Variants in RND3 observed in about 807,000 individuals in gnomAD.
The protein encoded by RND3 is Rho family GTPase 3, also known as rho-related GTP-binding protein RhoE.
Under a neutral mutation model 26.5 loss-of-function variants are expected in RND3, and 8 were observed. The observed-to-expected ratio is 0.30, with a 90% CI of 0.18 to 0.54. The LOEUF (loss-of-function observed/expected upper bound fraction) is 0.54, where lower values mean the gene tolerates loss of function less well. Among genes scored for constraint, RND3 ranks in the 20% least tolerant of loss-of-function variants. The pLI, the probability that RND3 is intolerant of heterozygous loss-of-function variation, is 0.94. For missense variants in RND3, 207 were observed against 302.8 expected, an observed-to-expected ratio of 0.68 and a Z score of 2.35; for synonymous variants, 113 against 113.0, an observed-to-expected ratio of 1.00 and a Z score of 0.00.
At chr2:150,479,356 GC>G (rs749044672) in intron 3 of RND3, among the ~76,000 whole-genome samples, 62 of 152,124 alleles carry the variant, frequency 4.1e-4, no homozygotes, top group Admixed American at 6.5e-5. Flanking sequence ...GAAGATTCAT[GC>G]CCAAAAGGAA....
intron 3 of RND3, among the ~76,000 whole-genome samples, chr2:150,481,963 G>A (rs1349855656): frequency 6.6e-6 from 1 of 152,120 alleles, no homozygotes; most frequent in Non-Finnish European, 1.5e-5. Context: ...AGGCCATTAG[G>A]TAACTAAGAT....
chr2:150,480,212 T>C (rs1346655455), intron 3 of RND3, among the ~76,000 whole-genome samples: 1 of 152,180 alleles, frequency 6.6e-6, no homozygotes, highest in East Asian at 1.9e-4. Context: ...TCATATGATA[T>C]CTAAGAATCA....
intron 2 of RND3, 128 bp downstream of exon 2, chr2:150,487,140 C>A (rs1476510540): frequency 1.1e-5 from 9 of 807,724 alleles, no homozygotes; most frequent in African/African-American, 3.5e-5. Flanking sequence ...TAGTAAGGAC[C>A]GAGAAAGACT....
intron 3 of RND3, among the ~76,000 whole-genome samples, chr2:150,485,910 G>C (rs1225022993): frequency 1.3e-5 from 2 of 151,778 alleles, no homozygotes; most frequent in Admixed American, 6.6e-5. Context: ...AATAATTCAA[G>C]TAGACTGGAA....
chr2:150,487,055 C>T, intron 2 of RND3: 1 of 604,130 alleles, frequency 1.7e-6, no homozygotes, highest in Admixed American at 2.9e-5. Flanking sequence ...GCTAACCAGC[C>T]CATGTGCAGG....
Position 150,470,313 on chromosome 2 carries a change from C to G in RND3, c.484-75G>C. 8 of 1,457,698 alleles carry G rather than the reference C, an allele frequency of 5.5e-6. No individual in the cohort carries two copies. In the South Asian group the frequency reaches 8.7e-5, roughly 16 times the overall value. 90.3% of individuals were successfully genotyped at this position (1,457,698 alleles called of 1,614,324 possible). A position where few individuals can be genotyped will look rare whatever the true frequency, so the allele number is the denominator to read the frequency against. On this transcript the variant is annotated intron_variant, in intron 5 of 5. Transcript: ENST00000263895. ...AGTTAGCTAGCATCTTCTAATACCA[C>G]AAAATAATAACACATTGCAAAACGT... is the stretch of plus-strand genomic sequence containing the variant.
chr2:150,486,833 G>C lies in RND3; in HGVS notation c.151-52C>G. 6 of 1,294,158 alleles carry C rather than the reference G, an allele frequency of 4.6e-6. No individual in the cohort carries two copies. The highest frequency in any genetic ancestry group is 6.8e-6 in the Non-Finnish European group (6 of 888,236). 80.2% of individuals were successfully genotyped at this position (1,294,158 alleles called of 1,614,324 possible). A position where few individuals can be genotyped will look rare whatever the true frequency, so the allele number is the denominator to read the frequency against. Reference sequence around the variant, plus strand: ...GAAGGAAAGAGGGCAAAGAGGTTACGTTTAAACGCACGACACCCATTGAAC... The same window carrying C: ...GAAGGAAAGAGGGCAAAGAGGTTACCTTTAAACGCACGACACCCATTGAAC... On this transcript the variant is annotated intron_variant, in intron 2 of 5. Transcript: ENST00000263895. The surrounding 1 kb of genome is among the most constrained non-coding windows in gnomAD (Gnocchi z 4.5).
chr2:150,472,257 G>A (rs1407320894), intron 4 of RND3, among the ~76,000 whole-genome samples: 2 of 152,150 alleles, frequency 1.3e-5, no homozygotes, highest in Non-Finnish European at 2.9e-5. Flanking sequence ...ACCACGAGCT[G>A]AGGCTCTATT....
chr2:150,471,234 G>C (rs1005804921), intron 5 of RND3, among the ~76,000 whole-genome samples: 1 of 152,112 alleles, frequency 6.6e-6, no homozygotes, highest in South Asian at 2.1e-4. Flanking sequence ...CTAAATACTT[G>C]GGGGAAATGC....
chr2:150,473,008 CCCTTCCTT>C (rs200632352), intron 4 of RND3, among the ~76,000 whole-genome samples: 1 of 147,848 alleles, frequency 6.8e-6, no homozygotes, highest in African/African-American at 2.5e-5. Context: ...CTCCCTCCCT[CCCTTCCTT>C]CCTTCCTTCT....
chr2:150,470,323 A>C, intron 5 of RND3, 85 bp from the exon 6 acceptor site: 1 of 1,388,144 alleles, frequency 7.2e-7, no homozygotes, highest in Non-Finnish European at 9.8e-7. Flanking sequence ...CAAAATAATA[A>C]CACATTGCAA....
chr2:150,486,883 T>C lies in RND3; in HGVS notation c.151-102A>G. On this transcript the variant is annotated intron_variant, in intron 2 of 5. Coordinates refer to ENST00000263895, the MANE Select transcript of RND3 (RefSeq NM_005168.5). This position sits in a 1 kb window ranked among gnomAD's most constrained non-coding sequence, Gnocchi z 4.5. The stretch of plus-strand genomic sequence containing the variant: ...CACCCTTCCCCTCCCCGCTCCCCAG[T>C]TAAGAAAGAAAACCTTCACACATCA... The C allele has an allele frequency of 1.2e-6, 1 of 866,210 alleles. No homozygotes were observed. Among genetic ancestry groups the C allele is most frequent in the Non-Finnish European group, 2.0e-6 (1 of 503,672 alleles). 53.7% of individuals were successfully genotyped at this position (866,210 alleles called of 1,614,324 possible).
chr2:150,482,646 G>T (rs922428035), intron 3 of RND3, among the ~76,000 whole-genome samples: 2 of 149,676 alleles, frequency 1.3e-5, no homozygotes, highest in East Asian at 3.9e-4. Flanking sequence ...TTGTTGGGGG[G>T]GCTGGAGTAC....
intron 3 of RND3, among the ~76,000 whole-genome samples, chr2:150,480,707 T>C (rs1425849128): frequency 1.3e-5 from 2 of 152,084 alleles, no homozygotes; most frequent in East Asian, 3.9e-4. Context: ...GCATTCATAC[T>C]GCCCCCTCCC....
chr2:150,478,994 T>G (rs1430533913), intron 3 of RND3, among the ~76,000 whole-genome samples: 1 of 151,880 alleles, frequency 6.6e-6, no homozygotes, highest in African/African-American at 2.4e-5. Context: ...AACTCTATAT[T>G]GTAAAGAAAC....
chr2:150,481,965 A>T (rs535767141), intron 3 of RND3, among the ~76,000 whole-genome samples: 3 of 152,326 alleles, frequency 2.0e-5, no homozygotes, highest in South Asian at 2.1e-4. Context: ...GCCATTAGGT[A>T]ACTAAGATAT....
chr2:150,470,132 C>T lies in RND3; in HGVS notation c.590G>A (p.Cys197Tyr). Residue 197 changes from cysteine to tyrosine, a missense_variant, in exon 6 of 6, where the codon TGT (cysteine) becomes TAT (tyrosine). Cys to Tyr is a radical substitution (Grantham distance 194). Transcript: ENST00000263895. ...RDIFHVATLA[C>Y]VNKTNKNVKR... The stretch of plus-strand genomic sequence containing the variant: ...AACGTTTTTATTTGTCTTATTTACA[C>T]ATGCCAAGGTGGCAACGTGAAAAAT... The T allele has an allele frequency of 1.2e-6, 2 of 1,614,032 alleles. No individual in the cohort carries two copies. The highest frequency in any genetic ancestry group is 1.3e-5 in the African/African-American group (1 of 75,032).
intron 3 of RND3, among the ~76,000 whole-genome samples, chr2:150,476,026 CTTGT>C (rs1205758237): frequency 6.6e-6 from 1 of 152,154 alleles, no homozygotes; most frequent in African/African-American, 2.4e-5. Flanking sequence ...CCAAATGCCG[CTTGT>C]TTAAGAAATC....
chr2:150,485,547 C>T (rs1457910655), intron 3 of RND3, among the ~76,000 whole-genome samples: 1 of 152,226 alleles, frequency 6.6e-6, no homozygotes, highest in Non-Finnish European at 1.5e-5. Context: ...CGCCAGCAAC[C>T]CAGCTCCTTG....
Sources: gnomAD v4.1 joint callset for allele counts (sites outside exome capture counted in the v4.1 genomes callset) on GRCh38, gnomAD v4.1.1 for gene constraint, Gnocchi (gnomAD v3.1) non-coding constraint, MANE v1.5 for transcripts, NCBI Gene and HGNC (gene_info 2026-07-23, HGNC 2026-07-21) for gene names.